MFN1: variants seen among roughly 807,000 people sequenced by gnomAD.
MFN1 encodes mitofusin 1, also known as mitofusin-1.
MFN1 carries 65 observed loss-of-function variants against 92.4 expected under a neutral mutation model. That is an observed-to-expected ratio of 0.70 (90% CI 0.58 to 0.86). The LOEUF (loss-of-function observed/expected upper bound fraction) is 0.86, where lower values mean the gene tolerates loss of function less well. Ranked by LOEUF, MFN1 falls within the 40% of genes least tolerant of loss-of-function variation. The probability of loss-of-function intolerance (pLI) is 0.00; values close to 1 mark genes in which losing one functional copy is unlikely to be tolerated. For missense variants in MFN1, 781 were observed against 868.0 expected (o/e 0.90, Z 1.26); for synonymous variants, 297 against 300.9 (o/e 0.99, Z 0.13).
chr3:179,379,802 A>T (rs917353106), intron 14 of MFN1, among the ~76,000 whole-genome samples: 2 of 152,238 alleles, frequency 1.3e-5, no homozygotes, highest in Non-Finnish European at 2.9e-5. Context: ...TTACAGAAGA[A>T]TGATGTTGGA....
chr3:179,378,131 G>A, intron 12 of MFN1: 1 of 537,816 alleles, frequency 1.9e-6, no homozygotes, highest in Admixed American at 3.5e-5. Flanking sequence ...GTCTGAGGCA[G>A]GAGGATCGCG....
rs1713928607 is a variant in MFN1, at chr3:179,392,181, C to T, written c.*122C>T. The stretch of plus-strand genomic sequence containing the variant: ...TACTAACTGTACCTAAATAGCAAAG[C>T]CCTGTGTAGATTCTGGTAATGATCT... On this transcript the variant is annotated 3_prime_UTR_variant, in exon 18 of 18. Transcript: ENST00000471841. 1.1e-5 allele frequency: 7 copies of T among 633,570 alleles called. No individual in the cohort carries two copies. The highest frequency in any genetic ancestry group is 2.8e-6 in the Non-Finnish European group (1 of 359,262). The allele number at this position is 633,570 out of a possible 1,614,324, so 39.2% of individuals were successfully genotyped here. A position where few individuals can be genotyped will look rare whatever the true frequency, so the allele number is the denominator to read the frequency against.
chr3:179,392,320 C>A lies in MFN1; in HGVS notation c.*261C>A, dbSNP rs1713934894. ...AGCAACAGTACCAACTTATGTGACC[C>A]CTGAGGGGTGGGGCTGTGAGCTCTT... On this transcript the variant is annotated 3_prime_UTR_variant, in exon 18 of 18. Transcript: ENST00000471841. 1 of 281,048 alleles carries A rather than the reference C, an allele frequency of 3.6e-6. No individual in the cohort carries two copies. The highest frequency in any genetic ancestry group is 6.6e-6 in the Non-Finnish European group (1 of 152,152). 17.4% of individuals were successfully genotyped at this position (281,048 alleles called of 1,614,324 possible). A position where few individuals can be genotyped will look rare whatever the true frequency, so the allele number is the denominator to read the frequency against.
intron 14 of MFN1, among the ~76,000 whole-genome samples, 171 bp from the exon 15 acceptor site, chr3:179,385,398 G>A (rs1713640161): frequency 6.6e-6 from 1 of 151,832 alleles, no homozygotes; most frequent in South Asian, 2.1e-4. Flanking sequence ...GGTCCATATT[G>A]TAGATAAGAA....
At chr3:179,375,459 G>A in intron 10 of MFN1, 118 bp downstream of exon 10, 1 of 1,233,306 alleles carries the variant, frequency 8.1e-7, no homozygotes, top group Non-Finnish European at 1.1e-6. Context: ...AACCTTGTGG[G>A]TTTAACTGAT....
At chr3:179,373,744 G>A (rs1713111878) in intron 9 of MFN1, among the ~76,000 whole-genome samples, 1 of 151,846 alleles carries the variant, frequency 6.6e-6, no homozygotes. Context: ...CGCTATCTCA[G>A]CTCACTGCAA....
intron 7 of MFN1, 107 bp from the exon 8 acceptor site, chr3:179,367,332 G>T (rs1194820212): frequency 4.5e-6 from 4 of 879,208 alleles, no homozygotes; most frequent in East Asian, 6.2e-5. Flanking sequence ...TAGTTATATG[G>T]TAACTTTTAT....
At chr3:179,369,923 C>T (rs1253402981) in intron 9 of MFN1, among the ~76,000 whole-genome samples, 3 of 152,026 alleles carry the variant, frequency 2.0e-5, no homozygotes, top group African/African-American at 7.2e-5. Context: ...TACTTAAAGT[C>T]ATGGAATGTC....
intron 16 of MFN1, among the ~76,000 whole-genome samples, chr3:179,388,109 G>A (rs1313326784): frequency 6.6e-6 from 1 of 150,764 alleles, no homozygotes; most frequent in African/African-American, 2.4e-5. Flanking sequence ...GGCTGATCTT[G>A]AACTCCTGAC....
intron 14 of MFN1, among the ~76,000 whole-genome samples, chr3:179,381,672 A>G (rs1479030160): frequency 6.6e-6 from 1 of 152,178 alleles, no homozygotes; most frequent in African/African-American, 2.4e-5. Context: ...TGGCTGACAT[A>G]GCAACACCTG....
At chr3:179,349,870 G>C (rs967415596) in intron 2 of MFN1, among the ~76,000 whole-genome samples, 4 of 151,778 alleles carry the variant, frequency 2.6e-5, no homozygotes, top group African/African-American at 9.7e-5. Context: ...TGTACCTCTC[G>C]GCCAGGCGCC....
chr3:179,369,553 G>T (rs900898202), intron 9 of MFN1, among the ~76,000 whole-genome samples: 1 of 152,128 alleles, frequency 6.6e-6, no homozygotes. Context: ...TATAGCTTGT[G>T]CTTCCCAAGA....
At chr3:179,361,022 G>A (rs1712554375) in intron 4 of MFN1, among the ~76,000 whole-genome samples, 1 of 152,120 alleles carries the variant, frequency 6.6e-6, no homozygotes, top group East Asian at 1.9e-4. Context: ...TACCCGAGTG[G>A]CTGAGGTGGG....
intron 9 of MFN1, 92 bp downstream of exon 9, chr3:179,368,195 A>G (rs1269716725): frequency 4.0e-6 from 4 of 1,009,884 alleles, no homozygotes; most frequent in African/African-American, 3.4e-5. Context: ...GTCTTTGTCA[A>G]TAACTTTTGC....
At chr3:179,382,766 A>C (rs537443348) in intron 14 of MFN1, among the ~76,000 whole-genome samples, 1 of 152,164 alleles carries the variant, frequency 6.6e-6, no homozygotes, top group Non-Finnish European at 1.5e-5. Flanking sequence ...TTGCCATTCT[A>C]ACTGGTGTGA....
chr3:179,357,950 T>G lies in MFN1; in HGVS notation c.249-890T>G, dbSNP rs78676672. Among the ~76,000 whole-genome samples the G allele has an allele frequency of 6.3e-3, 957 of 152,184 alleles. 10 individuals are homozygous for G. The highest frequency in any genetic ancestry group is 0.022 in the African/African-American group (908 of 41,516). On this transcript the variant is annotated intron_variant, in intron 3 of 17. Transcript: ENST00000471841. Reference sequence around the variant, plus strand: ...ATGTCTGGGACCTGGGCTGGAATGATTCAAAGACTAGGACTGTTGAGTAGA... The same window carrying G: ...ATGTCTGGGACCTGGGCTGGAATGAGTCAAAGACTAGGACTGTTGAGTAGA...
In MFN1 at chr3:179,378,701, C is replaced by T. The variant is rs866295810; in HGVS notation, c.1549C>T (p.Gln517Ter). ...TTACCACAAGTTATGTTCAGATTTT[C>T]AAGAGGATATTGTATTTCGTTTTTC... ...LNYHKLCSDF[Q>*]EDIVFRFSLG... Residue 517 changes from glutamine (Q) to a stop codon, truncating the protein, a stop_gained, in exon 14 of 18, where the codon CAA (glutamine) becomes TAA (stop). Transcript: ENST00000471841. LOFTEE classifies it high-confidence loss of function. The T allele has an allele frequency of 1.2e-6, 2 of 1,613,718 alleles. No homozygotes were observed. The highest frequency in any genetic ancestry group is 2.2e-5 in the South Asian group (2 of 91,068).
At chr3:179,370,100 C>A (rs1163076673) in intron 9 of MFN1, among the ~76,000 whole-genome samples, 1 of 152,060 alleles carries the variant, frequency 6.6e-6, no homozygotes, top group Non-Finnish European at 1.5e-5. Flanking sequence ...AAGTTTTAGT[C>A]AGCTTTATTC....
chr3:179,392,110 A>G lies in MFN1; in HGVS notation c.*51A>G. Reference sequence around the variant, plus strand: ...GATAGGAGGAAACGAAACTTGTAAGATTGGAACAGTTGTTATTTTTATGAA... The same window carrying G: ...GATAGGAGGAAACGAAACTTGTAAGGTTGGAACAGTTGTTATTTTTATGAA... On this transcript the variant is annotated 3_prime_UTR_variant, in exon 18 of 18. Coordinates refer to ENST00000471841, the MANE Select transcript of MFN1 (RefSeq NM_033540.3). The G allele has an allele frequency of 8.6e-7, 1 of 1,156,972 alleles. No homozygotes were observed. The highest frequency in any genetic ancestry group is 1.3e-6 in the Non-Finnish European group (1 of 780,570). 71.7% of individuals were successfully genotyped at this position (1,156,972 alleles called of 1,614,324 possible). A position where few individuals can be genotyped will look rare whatever the true frequency, so the allele number is the denominator to read the frequency against.
Sources: allele counts gnomAD v4.1 joint callset (sites outside exome capture counted in the v4.1 genomes callset), GRCh38; gene constraint gnomAD v4.1.1; transcripts MANE v1.5; gene names NCBI Gene and HGNC (gene_info 2026-07-23, HGNC 2026-07-21).